CLIC5: variants seen among roughly 807,000 people sequenced by gnomAD.
CLIC5 encodes CLIC family member 5, also known as chloride intracellular channel protein 5.
A neutral mutation model predicts 24.7 loss-of-function variants in CLIC5; 20 were observed. The ratio of observed to expected loss-of-function variants is 0.81; its 90% CI spans 0.57 to 1.18. CLIC5 has a LOEUF of 1.18. CLIC5 is among the 50% of genes most tolerant of loss of function. CLIC5 has a pLI of 0.00. For synonymous variants in CLIC5, 159 were observed against 135.6 expected, an observed-to-expected ratio of 1.17 and a Z score of -1.20; for missense variants, 341 against 326.1, an observed-to-expected ratio of 1.05 and a Z score of -0.35.
intron 1 of CLIC5, among the ~76,000 whole-genome samples, chr6:46,045,923 G>A (rs1767940681): frequency 6.8e-6 from 1 of 146,156 alleles, no homozygotes; most frequent in Non-Finnish European, 1.5e-5. Flanking sequence ...GAACGCACAT[G>A]AACATAAGCA....
chr6:45,887,199 A>G (rs959120360), intron 6 of CLIC5, among the ~76,000 whole-genome samples: 3 of 152,246 alleles, frequency 2.0e-5, no homozygotes, highest in African/African-American at 7.2e-5. Flanking sequence ...AAGTACCACA[A>G]TCTGAGTGGC....
chr6:46,091,515 T>A, the CLIC5 span, among the ~76,000 whole-genome samples: 1 of 152,088 alleles, frequency 6.6e-6, no homozygotes, highest in Non-Finnish European at 1.5e-5. Flanking sequence ...GCAGGAGGAT[T>A]ACCTGAGCTC....
At chr6:46,104,844 TACA>T in the CLIC5 span, among the ~76,000 whole-genome samples, 1 of 152,210 alleles carries the variant, frequency 6.6e-6, no homozygotes, top group African/African-American at 2.4e-5. Flanking sequence ...AAAGCCCTTG[TACA>T]TTAAAACTGC....
chr6:46,025,061 G>A (rs986276593), intron 1 of CLIC5, among the ~76,000 whole-genome samples: 4 of 151,758 alleles, frequency 2.6e-5, no homozygotes, highest in African/African-American at 9.7e-5. Flanking sequence ...AAAAGAGAAT[G>A]TCTTATAGTA....
upstream of CLIC5, among the ~76,000 whole-genome samples, chr6:46,017,940 G>A (rs546081893): frequency 1.3e-5 from 2 of 152,214 alleles, no homozygotes; most frequent in South Asian, 4.2e-4. Context: ...CAACTCTCTT[G>A]GTACATTATA....
intron 5 of CLIC5, chr6:45,912,753 G>T (rs1446612789): frequency 6.6e-7 from 1 of 1,515,358 alleles, no homozygotes. Flanking sequence ...AGGAGAAGAA[G>T]AATAAAGGAT....
intron 1 of CLIC5, among the ~76,000 whole-genome samples, chr6:46,065,734 C>T (rs756139583): frequency 6.6e-6 from 1 of 152,104 alleles, no homozygotes; most frequent in Non-Finnish European, 1.5e-5. Flanking sequence ...ATAGAAAGAT[C>T]CTTCTAGGAG....
upstream of CLIC5, among the ~76,000 whole-genome samples, chr6:46,081,110 C>T (rs565442838): frequency 3.5e-4 from 54 of 152,204 alleles, no homozygotes; most frequent in South Asian, 8.3e-4. Context: ...AAAATAAAAC[C>T]GAGGAAAAAC....
At chr6:45,972,848 G>A (rs578002883) in intron 1 of CLIC5, among the ~76,000 whole-genome samples, 8 of 152,212 alleles carry the variant, frequency 5.3e-5, no homozygotes, top group African/African-American at 1.4e-4. Flanking sequence ...GTGCATCTTT[G>A]CACATCCAGA....
chr6:45,998,116 G>T (rs965821593), intron 1 of CLIC5, among the ~76,000 whole-genome samples: 1 of 152,218 alleles, frequency 6.6e-6, no homozygotes, highest in African/African-American at 2.4e-5. Context: ...TCACAGAATG[G>T]CTTTCCTGCT....
the CLIC5 span, among the ~76,000 whole-genome samples, chr6:46,103,564 C>G: frequency 6.6e-6 from 1 of 152,154 alleles, no homozygotes; most frequent in Admixed American, 6.5e-5. Context: ...CCTTGCCCTC[C>G]CATAATGCAT....
rs182782886 is a variant in CLIC5 at position 46,056,516 on chromosome 6, G to A, written c.540+23187C>T. ...CAATTAGTGGTGTGTTGAGCAGCTC[G>A]TCCCAGCTCATGACAGCCAGCTGTG... On this transcript the variant is annotated intron_variant, in intron 1 of 5. Transcript: ENST00000185206. Among the ~76,000 whole-genome samples the A allele has an allele frequency of 1.4e-4, 21 of 152,180 alleles. No homozygotes were observed. In the East Asian group the frequency reaches 2.3e-3, roughly 17 times the overall value.
At chr6:45,941,452 G>GA (rs1459889152) in intron 4 of CLIC5, 95 bp downstream of exon 4, 1 of 949,428 alleles carries the variant, frequency 1.1e-6, no homozygotes, top group Non-Finnish European at 1.7e-6. Flanking sequence ...TGCTTCTCTG[G>GA]CCCAAGTATT....
chr6:45,928,904 A>G (rs1763615392), intron 4 of CLIC5, among the ~76,000 whole-genome samples: 1 of 152,198 alleles, frequency 6.6e-6, no homozygotes, highest in African/African-American at 2.4e-5. Flanking sequence ...GTGAAAGAAC[A>G]TTTAACTCAT....
At chr6:46,079,767 T>G (rs1482537364) in exon 1 of CLIC5, 5 of 1,551,836 alleles carry the variant, frequency 3.2e-6, no homozygotes, top group Non-Finnish European at 3.5e-6. Flanking sequence ...ACCTTCAGCA[T>G]CAGAATAGCA....
chr6:46,078,972 A>G (rs1403844545), intron 1 of CLIC5, among the ~76,000 whole-genome samples: 1 of 152,212 alleles, frequency 6.6e-6, no homozygotes, highest in Middle Eastern at 3.2e-3. Context: ...AACATTTCTA[A>G]AAATCACATA....
intron 1 of CLIC5, among the ~76,000 whole-genome samples, chr6:45,961,504 T>A (rs61346854): frequency 0.021 from 3,167 of 152,326 alleles, 118 homozygotes; most frequent in African/African-American, 0.073. Context: ...AGTGACAAAG[T>A]GGCAAAGGCC....
chr6:45,979,713 G>T (rs1165463290), intron 1 of CLIC5, among the ~76,000 whole-genome samples: 2 of 152,150 alleles, frequency 1.3e-5, no homozygotes, highest in Non-Finnish European at 2.9e-5. Context: ...TGATGGCATT[G>T]TTCATTATAT....
rs963565423 is a variant in CLIC5 at position 45,898,761 on chromosome 6, G to T, written c.*4327C>A. The stretch of plus-strand genomic sequence containing the variant: ...CCAGCTTATAAAATAGGACAACGAG[G>T]TGGCCAGGAAAGTAAGACAAATTCA... On this transcript the variant is annotated 3_prime_UTR_variant, in exon 6 of 6. Coordinates refer to ENST00000339561, the MANE Select transcript of CLIC5 (RefSeq NM_016929.5). 3 of 152,566 alleles carry T rather than the reference G, an allele frequency of 2.0e-5. No individual in the cohort carries two copies. The highest frequency in any genetic ancestry group is 4.8e-5 in the African/African-American group (2 of 41,428). The allele number at this position is 152,566 out of a possible 1,614,324, so 9.5% of individuals were successfully genotyped here. A position where few individuals can be genotyped will look rare whatever the true frequency, so the allele number is the denominator to read the frequency against.
Sources: gnomAD v4.1 joint callset for allele counts (sites outside exome capture counted in the v4.1 genomes callset) on GRCh38, gnomAD v4.1.1 for gene constraint, MANE v1.5 for transcripts, NCBI Gene and HGNC (gene_info 2026-07-23, HGNC 2026-07-21) for gene names.